Variants in ELP1 observed in about 807,000 individuals in gnomAD.
ELP1 encodes elongator complex protein 1.
In ELP1, 131 loss-of-function variants were observed where a neutral mutation model predicts 183.2. The observed-to-expected ratio is 0.72, with a 90% confidence interval of 0.62 to 0.83. The LOEUF (loss-of-function observed/expected upper bound fraction) is 0.83. Among genes scored for constraint, ELP1 ranks in the 40% least tolerant of loss-of-function variants. The probability of loss-of-function intolerance (pLI) is 0.00; values close to 1 mark genes in which losing one functional copy is unlikely to be tolerated. For missense variants in ELP1, 1,550 were observed against 1,594.9 expected, an observed-to-expected ratio of 0.97 and a Z score of 0.48; for synonymous variants, 555 against 569.0, an observed-to-expected ratio of 0.98 and a Z score of 0.35.
At chr9:108,903,477 T>A in intron 15 of ELP1, 86 bp downstream of exon 15, 1 of 957,196 alleles carries the variant, frequency 1.0e-6, no homozygotes. Flanking sequence ...CAATCAATAT[T>A]GAACTGACAA....
intron 16 of ELP1, among the ~76,000 whole-genome samples, chr9:108,902,177 A>G (rs1269685473): frequency 1.3e-5 from 2 of 152,182 alleles, no homozygotes; most frequent in African/African-American, 4.8e-5. Context: ...GCTAAGCTCA[A>G]GGAGTTTGTT....
intron 29 of ELP1, among the ~76,000 whole-genome samples, chr9:108,888,507 ATC>A (rs1459325764): frequency 6.6e-6 from 1 of 152,218 alleles, no homozygotes; most frequent in Non-Finnish European, 1.5e-5. Flanking sequence ...ATGACATCTT[ATC>A]CATTTAATTA....
chr9:108,910,889 C>A, intron 12 of ELP1, 121 bp downstream of exon 12: 2 of 766,930 alleles, frequency 2.6e-6, no homozygotes, highest in African/African-American at 1.8e-5. Context: ...ATGATATCAA[C>A]TGCAGACTTA....
chr9:108,872,207 T>C (rs1477510739), intron 36 of ELP1, among the ~76,000 whole-genome samples: 1 of 152,228 alleles, frequency 6.6e-6, no homozygotes, highest in East Asian at 1.9e-4. Context: ...GTGCTGCTCA[T>C]GTGGAGATGG....
At chr9:108,917,826 T>G (rs759453669) in intron 8 of ELP1, among the ~76,000 whole-genome samples, 156 bp from the exon 9 acceptor site, 23 of 152,168 alleles carry the variant, frequency 1.5e-4, no homozygotes, top group Non-Finnish European at 2.6e-4. Flanking sequence ...CATGTGTCCC[T>G]TGTCTCTCGG....
rs768653979 is a variant in ELP1, at chr9:108,916,218, A to G, written c.944T>C (p.Ile315Thr). Reference sequence around the variant, plus strand: ...AGCTGTCTTACCACAGGTTTTCGGAATGGAGCTTTCTTCTCTCTGAAGGTC... The same window carrying G: ...AGCTGTCTTACCACAGGTTTTCGGAGTGGAGCTTTCTTCTCTCTGAAGGTC... Reference protein sequence around the residue: ...LEDLQREESSIPKTCVQLWTV... With the variant: ...LEDLQREESSTPKTCVQLWTV... Residue 315 changes from isoleucine (I) to threonine (T), a missense_variant, in exon 10 of 37, where the codon ATT (isoleucine) becomes ACT (threonine). Transcript: ENST00000374647. The G allele has an allele frequency of 1.2e-6, 2 of 1,614,044 alleles. No individual in the cohort carries two copies. The highest frequency in any genetic ancestry group is 1.1e-5 in the South Asian group (1 of 91,080).
At chr9:108,900,447 G>T (rs1341217) in intron 18 of ELP1, 72 bp from the exon 19 acceptor site, 5 of 1,010,596 alleles carry the variant, frequency 4.9e-6, no homozygotes, top group Non-Finnish European at 7.9e-6. Flanking sequence ...AATTGAAACC[G>T]CACACATTAT....
chr9:108,870,365 T>C (rs1265536148), intron 36 of ELP1, among the ~76,000 whole-genome samples: 1 of 152,240 alleles, frequency 6.6e-6, no homozygotes. Flanking sequence ...ATGTTTTGTA[T>C]GTTATATGTA....
chr9:108,927,375 T>A lies in ELP1; in HGVS notation c.382A>T (p.Thr128Ser). 1.2e-6 allele frequency: 2 copies of A among 1,612,514 alleles called. No homozygotes were observed. Among genetic ancestry groups the A allele is most frequent in the Non-Finnish European group, 1.7e-6 (2 of 1,178,570 alleles). ...SPDQELVLLA[T>S]GQQTLIMMTK... is the part of the protein sequence containing the mutation. ...GAGGCACCAGTAACAAGCTTACCTGTGGCAAGAAGCACCAGCTCTTGGTCA... is the reference window on the plus strand; with the variant it reads ...GAGGCACCAGTAACAAGCTTACCTGAGGCAAGAAGCACCAGCTCTTGGTCA... The change falls in exon 4 of 37, where the codon ACA becomes TCA. Residue 128 changes from threonine to serine, a missense_variant. Transcript: ENST00000374647.
chr9:108,869,484 G>A (rs1049066483), intron 36 of ELP1, among the ~76,000 whole-genome samples: 1 of 152,144 alleles, frequency 6.6e-6, no homozygotes, highest in Non-Finnish European at 1.5e-5. Flanking sequence ...TCACATGGCT[G>A]TATACATTTA....
At position 108,874,961 on chromosome 9, in the gene ELP1, G is replaced by A. The variant is rs767316416; in HGVS notation, c.3865C>T (p.Pro1289Ser). The change falls in exon 36 of 37, where the codon CCC becomes TCC. Residue 1289 changes from proline (P) to serine (S), a missense_variant. Coordinates refer to ENST00000374647, the MANE Select transcript of ELP1 (RefSeq NM_003640.5). ...ATGATACTATTTGCAGTAGAATTGG[G>A]ACCTAGAACCTGAGGAGAAAATAGA... is the stretch of plus-strand genomic sequence containing the variant. ...QQNSATPVLG[P>S]NSTANSIMAS... 10 of 1,609,182 alleles carry A rather than the reference G, an allele frequency of 6.2e-6. No individual in the cohort carries two copies. In the East Asian group the frequency reaches 1.8e-4, roughly 29 times the overall value.
At chr9:108,908,497 G>A (rs1467816103) in intron 12 of ELP1, 93 bp from the exon 13 acceptor site, 2 of 883,558 alleles carry the variant, frequency 2.3e-6, no homozygotes, top group Non-Finnish European at 3.7e-6. Context: ...AGTTCTAGAA[G>A]GCAAACAGCA....
Position 108,869,187 on chromosome 9 carries a change from A to T in ELP1, c.3932-5T>A. On this transcript the variant is annotated splice_polypyrimidine_tract_variant and splice_region_variant and intron_variant, in intron 36 of 36. Transcript: ENST00000374647. ...GTGGTATAAAAAGCTCAGCATCTAA[A>T]AGCAAGAAAGGAAGGGAAATTGTGA... 6.2e-7 allele frequency: 1 copy of T among 1,613,872 alleles called. No individual in the cohort carries two copies. Among genetic ancestry groups the T allele is most frequent in the Non-Finnish European group, 8.5e-7 (1 of 1,179,740 alleles).
At position 108,929,974 on chromosome 9, in the gene ELP1, T is replaced by C. The variant is rs141023357; in HGVS notation, c.151-53A>G. 100 of 1,572,990 alleles carry C rather than the reference T, an allele frequency of 6.4e-5. No homozygotes were observed. The African/African-American group carries it at 1.1e-3, about 18-fold the overall frequency. ...TAACCCAGTCTACTTTCAAGAATAA[T>C]TGATAACATTTCCAGAAATACTTTT... On this transcript the variant is annotated intron_variant, in intron 2 of 36. Coordinates refer to ENST00000374647, the MANE Select transcript of ELP1 (RefSeq NM_003640.5).
Position 108,899,667 on chromosome 9 carries a change from TA to T in ELP1, c.2204+154del, listed in dbSNP as rs369301164. 8.4e-3 allele frequency among the ~76,000 whole-genome samples: 1,164 copies of T among 138,334 alleles called. 5 individuals are homozygous for T. Among genetic ancestry groups the T allele is most frequent in the South Asian group, 0.05 (220 of 4,404 alleles). The allele number at this position is 138,334 out of a possible 152,430, so 90.8% of individuals were successfully genotyped here. ...AAATACTGCATTAAAGTAAAAAAGT[TA>T]AAAAAAAAAAAAAGAGCCTCTAAGA... On this transcript the variant is annotated intron_variant, in intron 20 of 36. Coordinates refer to ENST00000374647, the MANE Select transcript of ELP1 (RefSeq NM_003640.5).
chr9:108,908,434 C>G (rs368556332), intron 12 of ELP1, 30 bp from the exon 13 acceptor site: 2 of 1,510,010 alleles, frequency 1.3e-6, no homozygotes, highest in Non-Finnish European at 1.8e-6. Context: ...ATATTATCAT[C>G]GTAAATTATA....
In ELP1 at chr9:108,902,875, T is replaced by C. The variant is rs138099341; in HGVS notation, c.1818A>G (p.Pro606=). ...SGGFPVRFPY[P]CTQTELAMIG... is the part of the protein sequence containing the mutation. Reference sequence around the variant, plus strand: ...TCATGGCCAATTCGGTCTGGGTGCATGGATAAGGAAACCGAACAGGAAATC... The same window carrying C: ...TCATGGCCAATTCGGTCTGGGTGCACGGATAAGGAAACCGAACAGGAAATC... The change falls in exon 16 of 37, where the codon CCA becomes CCG. Residue 606 remains proline (P), a synonymous_variant. Coordinates refer to ENST00000374647, the MANE Select transcript of ELP1 (RefSeq NM_003640.5). 5 of 1,614,014 alleles carry C rather than the reference T, an allele frequency of 3.1e-6. No homozygotes were observed. The highest frequency in any genetic ancestry group is 4.2e-6 in the Non-Finnish European group (5 of 1,179,918).
At chr9:108,917,847 A>C (rs958786991) in intron 8 of ELP1, among the ~76,000 whole-genome samples, 177 bp from the exon 9 acceptor site, 1 of 152,220 alleles carries the variant, frequency 6.6e-6, no homozygotes, top group Non-Finnish European at 1.5e-5. Flanking sequence ...CGAGCGGTTC[A>C]TCCCACTGTG....
chr9:108,907,154 T>G (rs2132005249), intron 13 of ELP1, among the ~76,000 whole-genome samples: 1 of 152,248 alleles, frequency 6.6e-6, no homozygotes, highest in South Asian at 2.1e-4. Context: ...CAGTCCCACC[T>G]CTGGTTTTCA....
Sources: allele counts gnomAD v4.1 joint callset (sites outside exome capture counted in the v4.1 genomes callset), GRCh38; gene constraint gnomAD v4.1.1; transcripts MANE v1.5; gene names NCBI Gene and HGNC (gene_info 2026-07-23, HGNC 2026-07-21).